Variants in JMJD1C observed in about 807,000 individuals in gnomAD.
JMJD1C encodes jumonji domain containing 1C, also known as jumonji domain-containing protein 1C.
Under a neutral mutation model 245.3 loss-of-function variants are expected in JMJD1C, and 31 were observed. The observed-to-expected ratio is 0.13, with a 90% confidence interval of 0.09 to 0.17. The LOEUF is 0.17. JMJD1C is among the 10% of genes least tolerant of loss of function. The probability of loss-of-function intolerance (pLI) is 1.00; values close to 1 mark genes in which losing one functional copy is unlikely to be tolerated. For synonymous variants in JMJD1C, 1,057 were observed against 1,017.4 expected (o/e 1.04, Z -0.74); for missense variants, 2,691 against 3,000.2 (o/e 0.90, Z 2.41).
At chr10:63,379,372 A>G (rs1363756835) in intron 2 of JMJD1C, among the ~76,000 whole-genome samples, 1 of 152,310 alleles carries the variant, frequency 6.6e-6, no homozygotes, top group East Asian at 1.9e-4. Flanking sequence ...AGAAAACAGC[A>G]ATAACAATAG....
At chr10:63,494,942 A>T (rs1954307151) in intron 1 of JMJD1C, among the ~76,000 whole-genome samples, 1 of 152,148 alleles carries the variant, frequency 6.6e-6, no homozygotes, top group Admixed American at 6.5e-5. Flanking sequence ...GCCCTCCTTG[A>T]TGTCCCACTT....
At chr10:63,380,795 G>T (rs1347665727) in intron 1 of JMJD1C, among the ~76,000 whole-genome samples, 1 of 152,212 alleles carries the variant, frequency 6.6e-6, no homozygotes, top group African/African-American at 2.4e-5. Context: ...GAAGCAGAAA[G>T]GGGAACTCTA....
At chr10:63,455,857 G>GA (rs1304958730) in intron 1 of JMJD1C, among the ~76,000 whole-genome samples, 2 of 151,926 alleles carry the variant, frequency 1.3e-5, no homozygotes, top group Non-Finnish European at 2.9e-5. Context: ...AGAACCTAGT[G>GA]AAAAAACACT....
intron 2 of JMJD1C, among the ~76,000 whole-genome samples, chr10:63,304,626 C>A (rs940582286): frequency 2.0e-5 from 3 of 152,014 alleles, no homozygotes; most frequent in African/African-American, 7.2e-5. Context: ...GAATCTGTCC[C>A]AAGAATAATA....
chr10:63,273,643 T>C (rs1386905148), intron 2 of JMJD1C, among the ~76,000 whole-genome samples: 1 of 152,222 alleles, frequency 6.6e-6, no homozygotes, highest in Non-Finnish European at 1.5e-5. Flanking sequence ...TTAATTTTTG[T>C]TTCTTTTTGT....
In JMJD1C at chr10:63,337,456, C is replaced by CGGGGGGGA. The variant is rs1554892484; in HGVS notation, c.333+42861_333+42862insTCCCCCCC. On this transcript the variant is annotated intron_variant, in intron 2 of 25. Coordinates refer to ENST00000399262, the MANE Select transcript of JMJD1C (RefSeq NM_032776.3). ...GCCTCCGTCAGAAAGAAAGAGAAGG[C>CGGGGGGGA]GGGGGGGGGGGAGGGAGAGAGAGAG... Among the ~76,000 whole-genome samples, 15 of 2,098 alleles carry CGGGGGGGA rather than the reference C, an allele frequency of 7.1e-3. 1 individual carries two copies. Among genetic ancestry groups the CGGGGGGGA allele is most frequent in the African/African-American group, 0.022 (15 of 670 alleles). The allele number at this position is 2,098 out of a possible 152,430, so 1.4% of individuals were successfully genotyped here. A position where few individuals can be genotyped will look rare whatever the true frequency, so the allele number is the denominator to read the frequency against.
chr10:63,458,635 A>G (rs1465849293), intron 1 of JMJD1C, among the ~76,000 whole-genome samples: 1 of 152,222 alleles, frequency 6.6e-6, no homozygotes, highest in Non-Finnish European at 1.5e-5. Context: ...TAGTATTCAA[A>G]TAACAATCCC....
At chr10:63,186,090 T>G in intron 19 of JMJD1C, 125 bp downstream of exon 19, 1 of 749,478 alleles carries the variant, frequency 1.3e-6, no homozygotes, top group Admixed American at 3.0e-5. Context: ...TCCAATTACT[T>G]GTTTCTTTTT....
At chr10:63,247,110 AC>A (rs78094936) in intron 3 of JMJD1C, among the ~76,000 whole-genome samples, 54,218 of 140,408 alleles carry the variant, frequency 0.39, 11,397 homozygotes, top group South Asian at 0.51. Flanking sequence ...GACAAAAAAA[AC>A]AAAAACAAAA....
At chr10:63,259,395 G>A (rs1224719081) in intron 3 of JMJD1C, among the ~76,000 whole-genome samples, 1 of 151,290 alleles carries the variant, frequency 6.6e-6, no homozygotes, top group East Asian at 2.0e-4. Context: ...CCATAGGACA[G>A]TAACACAAAT....
intron 2 of JMJD1C, among the ~76,000 whole-genome samples, chr10:63,294,934 G>A (rs1227000540): frequency 5.3e-5 from 8 of 152,046 alleles, no homozygotes; most frequent in Non-Finnish European, 1.0e-4. Flanking sequence ...AGGCATTATT[G>A]AAAATGTAGA....
chr10:63,435,602 C>T (rs946843988), intron 1 of JMJD1C, among the ~76,000 whole-genome samples: 1 of 152,034 alleles, frequency 6.6e-6, no homozygotes, highest in Admixed American at 6.6e-5. Context: ...TTGAAAATGA[C>T]TTAAGAGGGT....
chr10:63,230,877 G>C (rs1849895247), intron 3 of JMJD1C, among the ~76,000 whole-genome samples: 1 of 151,954 alleles, frequency 6.6e-6, no homozygotes, highest in Non-Finnish European at 1.5e-5. Flanking sequence ...ACCACACAAG[G>C]TTAATGCAAT....
chr10:63,459,883 G>A (rs1192378344), intron 1 of JMJD1C, among the ~76,000 whole-genome samples: 1 of 152,150 alleles, frequency 6.6e-6, no homozygotes, highest in Non-Finnish European at 1.5e-5. Context: ...GTAGTATGTA[G>A]GATTCAGAAA....
At chr10:63,464,059 C>T (rs988007611) in intron 1 of JMJD1C, among the ~76,000 whole-genome samples, 1 of 151,952 alleles carries the variant, frequency 6.6e-6, no homozygotes, top group Non-Finnish European at 1.5e-5. Context: ...GTCCTGGGCT[C>T]TAGCAATCCT....
chr10:63,237,336 CCAAA>C (rs1382342579), intron 3 of JMJD1C, among the ~76,000 whole-genome samples: 2 of 122,186 alleles, frequency 1.6e-5, no homozygotes, highest in Admixed American at 8.1e-5. Flanking sequence ...CTGTGCCTCG[CCAAA>C]CACTCACTAA....
At chr10:63,389,434 TTTTG>T (rs1229644157) in intron 1 of JMJD1C, among the ~76,000 whole-genome samples, 2 of 150,370 alleles carry the variant, frequency 1.3e-5, no homozygotes, top group Non-Finnish European at 3.0e-5. Context: ...CTAGACAGAA[TTTTG>T]TTTTTCTTTT....
intron 1 of JMJD1C, among the ~76,000 whole-genome samples, chr10:63,458,596 C>T (rs1278320296): frequency 2.6e-5 from 4 of 151,718 alleles, no homozygotes; most frequent in African/African-American, 9.7e-5. Flanking sequence ...TATTTGTTGC[C>T]ATTAAATCTA....
At chr10:63,400,925 G>A (rs1275772031) in intron 1 of JMJD1C, among the ~76,000 whole-genome samples, 1 of 151,620 alleles carries the variant, frequency 6.6e-6, no homozygotes, top group Non-Finnish European at 1.5e-5. Context: ...TTGTCACCAG[G>A]CTGGAGTGCA....
Sources: allele counts gnomAD v4.1 joint callset (sites outside exome capture counted in the v4.1 genomes callset), GRCh38; gene constraint gnomAD v4.1.1; transcripts MANE v1.5; gene names NCBI Gene and HGNC (gene_info 2026-07-23, HGNC 2026-07-21).